NWD1: variants seen among roughly 807,000 people sequenced by gnomAD.
The protein encoded by NWD1 is NACHT and WD repeat domain containing 1.
In NWD1, 129 loss-of-function variants were observed where a neutral mutation model predicts 135.1. The ratio of observed to expected loss-of-function variants is 0.96; its 90% CI spans 0.83 to 1.11. The LOEUF (loss-of-function observed/expected upper bound fraction) is 1.11. Ranked by LOEUF, NWD1 falls within the 50% of genes least tolerant of loss-of-function variation. The pLI, the probability that NWD1 is intolerant of heterozygous loss-of-function variation, is 0.00. For missense variants in NWD1, 1,740 were observed against 1,851.3 expected, an observed-to-expected ratio of 0.94 and a Z score of 1.10; for synonymous variants, 773 against 786.0, an observed-to-expected ratio of 0.98 and a Z score of 0.28.
At position 16,749,462 on chromosome 19, in the gene NWD1, A is replaced by G. The variant is rs765034013; in HGVS notation, c.820A>G (p.Asn274Asp). 2 of 1,612,602 alleles carry G rather than the reference A, an allele frequency of 1.2e-6. No homozygotes were observed. Among genetic ancestry groups the G allele is most frequent in the Non-Finnish European group, 1.7e-6 (2 of 1,178,868 alleles). Residue 274 changes from asparagine (N) to aspartate (D), a missense_variant, in exon 6 of 19, where the codon AAT becomes GAT. By Grantham distance (23) the Asn-to-Asp change is conservative. Coordinates refer to ENST00000524140, the MANE Select transcript of NWD1 (RefSeq NM_001007525.5). Reference protein sequence around the residue: ...ELGEQFVVRANHQVLTRLREL... With the variant: ...ELGEQFVVRADHQVLTRLREL... ...GGGTGAGCAGTTTGTGGTGAGGGCC[A>G]ATCACCAGGTCCTCACACGCCTCCG...
chr19:16,772,415 T>A (rs1969447284), intron 10 of NWD1, among the ~76,000 whole-genome samples: 1 of 151,908 alleles, frequency 6.6e-6, no homozygotes, highest in Non-Finnish European at 1.5e-5. Flanking sequence ...ATCCCAGCAC[T>A]TTAGGAGGCC....
At chr19:16,809,535 CTTTTTT>C (rs1010790169) in intron 18 of NWD1, among the ~76,000 whole-genome samples, 6 of 140,904 alleles carry the variant, frequency 4.3e-5, no homozygotes, top group African/African-American at 1.6e-4. Context: ...TGTGCTATTT[CTTTTTT>C]TTTTTCTTTT....
intron 3 of NWD1, among the ~76,000 whole-genome samples, chr19:16,733,022 T>C (rs1482633218): frequency 6.6e-6 from 1 of 151,132 alleles, no homozygotes. Flanking sequence ...AGGAGTTTGA[T>C]ACCGGTCTGG....
At position 16,797,746 on chromosome 19, in the gene NWD1, G is replaced by C; in HGVS notation, c.3319G>C (p.Val1107Leu). ...TGCCGTTTCAGGCTTTGGAAGATCGGTGCGGATATTCTTGGCGGACTCGAG... is the reference window on the plus strand; with the variant it reads ...TGCCGTTTCAGGCTTTGGAAGATCGCTGCGGATATTCTTGGCGGACTCGAG... The part of the protein sequence containing the change: ...SLLAAGFGRS[V>L]RIFLADSRGF... Residue 1107 changes from valine to leucine, a missense_variant, in exon 16 of 19, where the codon GTG (valine) becomes CTG (leucine). Coordinates refer to ENST00000524140, the MANE Select transcript of NWD1 (RefSeq NM_001007525.5). 6.2e-7 allele frequency: 1 copy of C among 1,614,046 alleles called. No homozygotes were observed. Among genetic ancestry groups the C allele is most frequent in the Non-Finnish European group, 8.5e-7 (1 of 1,179,960 alleles).
chr19:16,736,593 T>C (rs1967827955), intron 3 of NWD1, 41 bp from the exon 4 acceptor site: 1 of 1,270,688 alleles, frequency 7.9e-7, no homozygotes, highest in Non-Finnish European at 1.1e-6. Flanking sequence ...AAATCACCTG[T>C]CATGCCACCT....
intron 1 of NWD1, among the ~76,000 whole-genome samples, chr19:16,722,065 A>G (rs1341364177): frequency 1.3e-5 from 2 of 151,976 alleles, no homozygotes; most frequent in South Asian, 2.1e-4. Flanking sequence ...GTGAGCTATG[A>G]TCATGTCACT....
intron 3 of NWD1, among the ~76,000 whole-genome samples, 185 bp downstream of exon 3, chr19:16,731,463 C>T (rs1025344148): frequency 5.9e-5 from 9 of 151,560 alleles, no homozygotes; most frequent in Admixed American, 2.0e-4. Flanking sequence ...TGCGCCACCA[C>T]GCCCAGCTAA....
chr19:16,730,645 A>G (rs1174327162), intron 2 of NWD1, among the ~76,000 whole-genome samples: 1 of 152,144 alleles, frequency 6.6e-6, no homozygotes, highest in East Asian at 1.9e-4. Flanking sequence ...TGATGCTAGG[A>G]GTTTGAGGTT....
intron 12 of NWD1, among the ~76,000 whole-genome samples, chr19:16,787,121 T>C (rs568852745): frequency 1.8e-4 from 27 of 152,124 alleles, no homozygotes. Flanking sequence ...CTCTCTAAGA[T>C]TATTATATTT....
intron 14 of NWD1, among the ~76,000 whole-genome samples, chr19:16,792,473 T>C (rs914616051): frequency 2.0e-5 from 3 of 151,974 alleles, no homozygotes; most frequent in South Asian, 2.1e-4. Context: ...GGTTGGGAGT[T>C]CGAGACCAGC....
At chr19:16,769,112 A>C (rs994359127) in intron 10 of NWD1, among the ~76,000 whole-genome samples, 3 of 152,024 alleles carry the variant, frequency 2.0e-5, no homozygotes, top group Non-Finnish European at 4.4e-5. Context: ...CAGGTGGATC[A>C]CTTGATGCCA....
rs190606897 is a variant in NWD1, at chr19:16,756,155, A to T, written c.1770-3070A>T. On this transcript the variant is annotated intron_variant, in intron 6 of 18. Transcript: ENST00000524140. ...TTAATTCCAGCTACTTGGGAGGCTG[A>T]GTACGAGAATTGCTTGAACCTGGGA... 2.3e-3 allele frequency among the ~76,000 whole-genome samples: 357 copies of T among 152,266 alleles called. 2 individuals carry two copies. Among genetic ancestry groups the T allele is most frequent in the African/African-American group, 8.3e-3 (347 of 41,560 alleles).
chr19:16,796,938 G>C (rs1217566250), intron 15 of NWD1, among the ~76,000 whole-genome samples: 1 of 152,132 alleles, frequency 6.6e-6, no homozygotes, highest in African/African-American at 2.4e-5. Flanking sequence ...CAGCACATTG[G>C]AAGTCCGAGG....
At chr19:16,722,390 A>G (rs1967172541) in intron 1 of NWD1, among the ~76,000 whole-genome samples, 1 of 151,640 alleles carries the variant, frequency 6.6e-6, no homozygotes. Context: ...CTGGGTTCAA[A>G]CAATTCTCCT....
At chr19:16,814,621 T>G (rs1971015541) in intron 18 of NWD1, among the ~76,000 whole-genome samples, 1 of 152,228 alleles carries the variant, frequency 6.6e-6, no homozygotes, top group South Asian at 2.1e-4. Context: ...TATAATATGC[T>G]GTAGCAAAGA....
At chr19:16,758,948 G>T (rs112340131) in intron 6 of NWD1, among the ~76,000 whole-genome samples, 6,479 of 141,522 alleles carry the variant, frequency 0.046, 466 homozygotes, top group African/African-American at 0.16. Flanking sequence ...AGGTTGCAGT[G>T]AGCCGAGATT....
At chr19:16,793,578 T>G (rs1197910146) in intron 14 of NWD1, among the ~76,000 whole-genome samples, 2 of 94,422 alleles carry the variant, frequency 2.1e-5, no homozygotes, top group Non-Finnish European at 4.4e-5. Flanking sequence ...TTTTGGTTTT[T>G]GGTTGTTTTT....
intron 17 of NWD1, 68 bp from the exon 18 acceptor site, chr19:16,807,518 C>T: frequency 7.5e-7 from 1 of 1,329,952 alleles, no homozygotes; most frequent in Admixed American, 2.3e-5. Context: ...CAAAAAAAAC[C>T]ACCAGGGAAG....
intron 4 of NWD1, among the ~76,000 whole-genome samples, chr19:16,739,949 G>A (rs531126426): frequency 1.9e-3 from 284 of 152,190 alleles, no homozygotes; most frequent in Non-Finnish European, 3.0e-3. Flanking sequence ...TGGTTGGCTT[G>A]TGTCTTAGTC....
Sources: allele counts gnomAD v4.1 joint callset (sites outside exome capture counted in the v4.1 genomes callset), GRCh38; gene constraint gnomAD v4.1.1; transcripts MANE v1.5; gene names NCBI Gene and HGNC (gene_info 2026-07-23, HGNC 2026-07-21).